PSD2: variants seen among roughly 807,000 people sequenced by gnomAD.
The protein encoded by PSD2 is PH and SEC7 domain-containing protein 2.
A neutral mutation model predicts 69.8 loss-of-function variants in PSD2; 38 were observed. The observed-to-expected ratio is 0.54, with a 90% CI of 0.42 to 0.71. The LOEUF is 0.71. Ranked by LOEUF, PSD2 falls within the 30% of genes least tolerant of loss-of-function variation. The pLI, the probability that PSD2 is intolerant of heterozygous loss-of-function variation, is 0.00. For missense variants in PSD2, 943 were observed against 1,014.5 expected (o/e 0.93, Z 0.96); for synonymous variants, 412 against 423.0 (o/e 0.97, Z 0.32).
chr5:139,768,650 G>T, the PSD2 span, among the ~76,000 whole-genome samples: 494 of 151,934 alleles, frequency 3.3e-3, 13 homozygotes, highest in South Asian at 0.066. Flanking sequence ...TTGAACCTGG[G>T]AGGCAGAGGT....
rs181981436 is a variant in PSD2 at position 139,841,745 on chromosome 5, A to G, written c.2113-526A>G. On this transcript the variant is annotated intron_variant, in intron 14 of 14. Coordinates refer to ENST00000274710, the MANE Select transcript of PSD2 (RefSeq NM_032289.4). ...CATTGTGACTTGCATTTCTCTAATG[A>G]CTAATGATGTTGAGCATCTTTTCAT... 5.3e-5 allele frequency among the ~76,000 whole-genome samples: 8 copies of G among 152,336 alleles called. No individual in the cohort carries two copies. In the East Asian group the frequency reaches 1.5e-3, roughly 29 times the overall value.
chr5:139,784,593 C>T, the PSD2 span, among the ~76,000 whole-genome samples: 1 of 152,208 alleles, frequency 6.6e-6, no homozygotes, highest in Non-Finnish European at 1.5e-5. Flanking sequence ...CCTCCATCAT[C>T]TGGCCCCTGC....
chr5:139,774,430 G>A, the PSD2 span, among the ~76,000 whole-genome samples: 1 of 151,628 alleles, frequency 6.6e-6, no homozygotes, highest in African/African-American at 2.4e-5. Context: ...GGGAAGAGGT[G>A]GTTTAAGAGG....
At chr5:139,785,112 A>G in the PSD2 span, among the ~76,000 whole-genome samples, 1 of 151,818 alleles carries the variant, frequency 6.6e-6, no homozygotes, top group East Asian at 1.9e-4. Context: ...CCCACTGATA[A>G]TACTCTATTT....
chr5:139,828,319 G>C (rs1000215376), intron 7 of PSD2, among the ~76,000 whole-genome samples: 1 of 152,298 alleles, frequency 6.6e-6, no homozygotes, highest in East Asian at 1.9e-4. Context: ...TTCCAGGAGA[G>C]CTCAAGCTGA....
At chr5:139,775,799 G>C in the PSD2 span, among the ~76,000 whole-genome samples, 1 of 152,200 alleles carries the variant, frequency 6.6e-6, no homozygotes, top group Non-Finnish European at 1.5e-5. Context: ...CTCCCAAGTC[G>C]CTGGAATTAT....
At chr5:139,798,614 A>G (rs1397118838) in intron 1 of PSD2, among the ~76,000 whole-genome samples, 2 of 152,192 alleles carry the variant, frequency 1.3e-5, no homozygotes, top group East Asian at 1.9e-4. Context: ...CTAGAGACCT[A>G]GATTTGCCAG....
the PSD2 span, among the ~76,000 whole-genome samples, chr5:139,785,306 C>T: frequency 1.3e-5 from 2 of 151,702 alleles, no homozygotes; most frequent in Non-Finnish European, 2.9e-5. Flanking sequence ...TTACTGCAAC[C>T]TCTGCCTCCT....
the PSD2 span, among the ~76,000 whole-genome samples, chr5:139,789,943 C>T: frequency 1.2e-4 from 18 of 151,014 alleles, no homozygotes; most frequent in East Asian, 7.8e-4. Context: ...GAGGGGTGGG[C>T]GGTGCGGATA....
At chr5:139,744,611 TG>T in the PSD2 span, among the ~76,000 whole-genome samples, 1 of 149,558 alleles carries the variant, frequency 6.7e-6, no homozygotes, top group African/African-American at 2.5e-5. Context: ...GCGGCGGGGG[TG>T]GGGGGAAGGC....
rs1581740502 is a variant in PSD2, at chr5:139,837,297, T to A, written c.1665+59T>A. ...GGGCCAGCTCAGTCCCATCCCGCCC[T>A]GGCCTTGTGGCACCCCGAAGCCCCA... On this transcript the variant is annotated intron_variant, in intron 11 of 14. Transcript: ENST00000274710. The surrounding 1 kb of genome is among the most constrained non-coding windows in gnomAD (Gnocchi z 5.0). 6.0e-6 allele frequency: 9 copies of A among 1,493,922 alleles called. No homozygotes were observed. In the East Asian group the frequency reaches 2.1e-4, roughly 35 times the overall value. The allele number at this position is 1,493,922 out of a possible 1,614,324, so 92.5% of individuals were successfully genotyped here. A position where few individuals can be genotyped will look rare whatever the true frequency, so the allele number is the denominator to read the frequency against.
chr5:139,809,399 G>C lies in PSD2; in HGVS notation c.-42G>C. 6.3e-7 allele frequency: 1 copy of C among 1,590,990 alleles called. No homozygotes were observed. The highest frequency in any genetic ancestry group is 8.5e-7 in the Non-Finnish European group (1 of 1,171,950). ...TCTCCACCCACTGCCAGGTCTAGAG[G>C]AGTCCCAGGAGCAGCCAGGACAGGC... On this transcript the variant is annotated 5_prime_UTR_variant, in exon 2 of 15. Coordinates refer to ENST00000274710, the MANE Select transcript of PSD2 (RefSeq NM_032289.4).
At chr5:139,768,737 A>T in the PSD2 span, among the ~76,000 whole-genome samples, 1 of 151,670 alleles carries the variant, frequency 6.6e-6, no homozygotes, top group African/African-American at 2.4e-5. Context: ...AAAAAAAAAA[A>T]ACAACACCTC....
intron 7 of PSD2, among the ~76,000 whole-genome samples, chr5:139,830,396 G>T (rs1760544436): frequency 6.8e-6 from 1 of 146,232 alleles, no homozygotes; most frequent in African/African-American, 2.5e-5. Context: ...TGTTGCCCAG[G>T]CTGGAGTGTA....
At chr5:139,773,031 T>G in the PSD2 span, 2 of 152,214 alleles carry the variant, frequency 1.3e-5, no homozygotes, top group African/African-American at 4.8e-5. Flanking sequence ...TTTTTTTATT[T>G]ACGGTAAAAT....
Position 139,817,540 on chromosome 5 carries a change from T to A in PSD2, c.1076T>A (p.Leu359Ter). 1 of 1,614,170 alleles carries A rather than the reference T, an allele frequency of 6.2e-7. No individual in the cohort carries two copies. The highest frequency in any genetic ancestry group is 2.2e-5 in the East Asian group (1 of 44,892). ...EYLSFFDFSG[L>*]TLDGALRTFL... ...CTCAGTTTCTTCGACTTCTCGGGCTTGACTCTGGACGGAGCACTCAGGTCA... is the reference window on the plus strand; with the variant it reads ...CTCAGTTTCTTCGACTTCTCGGGCTAGACTCTGGACGGAGCACTCAGGTCA... Residue 359 changes from leucine (L) to a stop codon, truncating the protein, a stop_gained, in exon 5 of 15, where the codon TTG (leucine) becomes TAG (stop). Coordinates refer to ENST00000274710, the MANE Select transcript of PSD2 (RefSeq NM_032289.4). LOFTEE classifies it high-confidence loss of function.
chr5:139,844,456 C>G lies in PSD2; in HGVS notation c.*1982C>G, dbSNP rs1456283009. ...AGATGAGATGAAAATAAATCTAAGT[C>G]AAAGTTCTAATAGTTCTTCCTGCAT... On this transcript the variant is annotated 3_prime_UTR_variant, in exon 15 of 15. Coordinates refer to ENST00000274710, the MANE Select transcript of PSD2 (RefSeq NM_032289.4). 6.6e-6 allele frequency: 1 copy of G among 152,440 alleles called. No individual in the cohort carries two copies. The highest frequency in any genetic ancestry group is 1.5e-5 in the Non-Finnish European group (1 of 68,026). 9.4% of individuals were successfully genotyped at this position (152,440 alleles called of 1,614,324 possible). A position where few individuals can be genotyped will look rare whatever the true frequency, so the allele number is the denominator to read the frequency against.
chr5:139,748,154 C>T, the PSD2 span, among the ~76,000 whole-genome samples: 14 of 152,080 alleles, frequency 9.2e-5, no homozygotes, highest in Non-Finnish European at 2.9e-5. Flanking sequence ...CAGGAAAACT[C>T]GGCATTTGGA....
chr5:139,748,730 C>T, the PSD2 span, among the ~76,000 whole-genome samples: 1 of 152,270 alleles, frequency 6.6e-6, no homozygotes, highest in Admixed American at 6.5e-5. Flanking sequence ...CCGGCCCGTC[C>T]TCCTAGGCAA....
Sources: gnomAD v4.1 joint callset for allele counts (sites outside exome capture counted in the v4.1 genomes callset) on GRCh38, gnomAD v4.1.1 for gene constraint, Gnocchi (gnomAD v3.1) non-coding constraint, MANE v1.5 for transcripts, NCBI Gene and HGNC (gene_info 2026-07-23, HGNC 2026-07-21) for gene names.